The following ZBTB7C variants were observed in gnomAD, a reference collection of about 807,000 sequenced individuals.
ZBTB7C encodes the protein zinc finger and BTB domain containing 7C, also known as zinc finger and BTB domain-containing protein 7C.
Under a neutral mutation model 25.7 loss-of-function variants are expected in ZBTB7C, and 8 were observed. The observed-to-expected ratio is 0.31, with a 90% CI of 0.18 to 0.56. The LOEUF is 0.56. Among genes scored for constraint, ZBTB7C ranks in the 20% least tolerant of loss-of-function variants. The probability of loss-of-function intolerance (pLI) is 0.91; values close to 1 mark genes in which losing one functional copy is unlikely to be tolerated. For missense variants in ZBTB7C, 824 were observed against 855.2 expected, an observed-to-expected ratio of 0.96 and a Z score of 0.46; for synonymous variants, 394 against 369.0, an observed-to-expected ratio of 1.07 and a Z score of -0.78.
intron 2 of ZBTB7C, among the ~76,000 whole-genome samples, chr18:48,262,468 T>C (rs545064970): frequency 6.6e-6 from 1 of 152,294 alleles, no homozygotes; most frequent in East Asian, 1.9e-4. Flanking sequence ...AGATGAGGCC[T>C]ACCCACAAGA....
chr18:48,129,799 A>G (rs2144766671), intron 3 of ZBTB7C, among the ~76,000 whole-genome samples: 1 of 152,248 alleles, frequency 6.6e-6, no homozygotes, highest in South Asian at 2.1e-4. Context: ...CAGCTTTAAT[A>G]AACTGTGATT....
At chr18:48,213,258 G>GT (rs2042744349) in intron 2 of ZBTB7C, among the ~76,000 whole-genome samples, 1 of 152,206 alleles carries the variant, frequency 6.6e-6, no homozygotes, top group Non-Finnish European at 1.5e-5. Context: ...CCAGGGTTTT[G>GT]TTTTTGACTA....
intron 3 of ZBTB7C, among the ~76,000 whole-genome samples, chr18:48,178,548 C>T (rs2145078279): frequency 6.6e-6 from 1 of 152,276 alleles, no homozygotes; most frequent in African/African-American, 2.4e-5. Context: ...TTGTTATGAT[C>T]TCTTTAGGAG....
chr18:48,194,112 G>A (rs2042262721), intron 2 of ZBTB7C, among the ~76,000 whole-genome samples: 1 of 152,254 alleles, frequency 6.6e-6, no homozygotes, highest in Non-Finnish European at 1.5e-5. Context: ...AGTGGGGCCT[G>A]GGCCAAGGAA....
At chr18:48,392,818 G>C (rs1442365921) in intron 1 of ZBTB7C, among the ~76,000 whole-genome samples, 1 of 152,158 alleles carries the variant, frequency 6.6e-6, no homozygotes, top group African/African-American at 2.4e-5. Flanking sequence ...TTGCCTTTCT[G>C]ACCTCTTCCT....
chr18:48,355,738 G>A (rs2046963736), intron 1 of ZBTB7C, among the ~76,000 whole-genome samples: 1 of 152,212 alleles, frequency 6.6e-6, no homozygotes, highest in Non-Finnish European at 1.5e-5. Flanking sequence ...AGTCTCCCGT[G>A]CACCCCTGCA....
At chr18:48,217,528 C>T (rs545385176) in intron 2 of ZBTB7C, among the ~76,000 whole-genome samples, 1 of 152,178 alleles carries the variant, frequency 6.6e-6, no homozygotes, top group African/African-American at 2.4e-5. Context: ...CTACACACCC[C>T]TAGCCAGCCA....
chr18:48,343,228 T>A (rs963026017), intron 1 of ZBTB7C, among the ~76,000 whole-genome samples: 1 of 152,156 alleles, frequency 6.6e-6, no homozygotes, highest in Non-Finnish European at 1.5e-5. Context: ...TAGATCTAAC[T>A]GCATCATTTT....
rs1032651746 is a variant in ZBTB7C, at chr18:48,026,854, C to A, written c.*2406G>T. 2 of 151,640 alleles carry A rather than the reference C, an allele frequency of 1.3e-5. No homozygotes were observed. Among genetic ancestry groups the A allele is most frequent in the African/African-American group, 4.8e-5 (2 of 41,254 alleles). The allele number at this position is 151,640 out of a possible 1,614,324, so 9.4% of individuals were successfully genotyped here. Reference sequence around the variant, plus strand: ...TCCTGTGAACTTTCAGAAGTCACATCTCACAGAAGTGCAACTCTCAATATA... The same window carrying A: ...TCCTGTGAACTTTCAGAAGTCACATATCACAGAAGTGCAACTCTCAATATA... On this transcript the variant is annotated 3_prime_UTR_variant, in exon 5 of 5. Coordinates refer to ENST00000590800, the MANE Select transcript of ZBTB7C (RefSeq NM_001318841.2).
rs551950218 is a variant in ZBTB7C at position 48,318,292 on chromosome 18, T to C, written c.-79+19882A>G. Among the ~76,000 whole-genome samples the C allele has an allele frequency of 3.3e-5, 5 of 151,942 alleles. No individual in the cohort carries two copies. In the South Asian group the frequency reaches 8.3e-4, roughly 25 times the overall value. On this transcript the variant is annotated intron_variant, in intron 2 of 4. Coordinates refer to ENST00000590800, the MANE Select transcript of ZBTB7C (RefSeq NM_001318841.2). Reference sequence around the variant, plus strand: ...CTGTTTTCTTCCTCTCTTCCTCCCATAGGACTGGTTGGGAACCAACCCCCC... The same window carrying C: ...CTGTTTTCTTCCTCTCTTCCTCCCACAGGACTGGTTGGGAACCAACCCCCC...
At chr18:48,126,855 C>T (rs1249002148) in intron 3 of ZBTB7C, among the ~76,000 whole-genome samples, 3 of 152,086 alleles carry the variant, frequency 2.0e-5, no homozygotes, top group Non-Finnish European at 4.4e-5. Flanking sequence ...TCTACCTTTC[C>T]GCCTGGGCCC....
intron 1 of ZBTB7C, among the ~76,000 whole-genome samples, chr18:48,338,901 T>C (rs2046521858): frequency 7.5e-6 from 1 of 133,988 alleles, no homozygotes; most frequent in Non-Finnish European, 1.6e-5. Context: ...TCTGGTGTTC[T>C]GTAGTTTGTT....
At chr18:48,141,620 T>A (rs1165439751) in intron 3 of ZBTB7C, among the ~76,000 whole-genome samples, 1 of 152,194 alleles carries the variant, frequency 6.6e-6, no homozygotes, top group Non-Finnish European at 1.5e-5. Context: ...ATTTATGGTG[T>A]CACGGTGGCG....
At chr18:48,355,174 T>C (rs1263102767) in intron 1 of ZBTB7C, among the ~76,000 whole-genome samples, 3 of 152,200 alleles carry the variant, frequency 2.0e-5, no homozygotes, top group East Asian at 3.9e-4. Flanking sequence ...AACATGAGCC[T>C]CTTGGAGAGG....
intron 2 of ZBTB7C, among the ~76,000 whole-genome samples, chr18:48,332,484 C>T (rs1037498872): frequency 6.6e-6 from 1 of 152,104 alleles, no homozygotes; most frequent in African/African-American, 2.4e-5. Flanking sequence ...TCTTTTTGAG[C>T]AACTAGGTCT....
At chr18:48,109,773 T>G (rs2039166576) in intron 3 of ZBTB7C, among the ~76,000 whole-genome samples, 1 of 152,058 alleles carries the variant, frequency 6.6e-6, no homozygotes, top group South Asian at 2.1e-4. Context: ...CTACAAAAGG[T>G]ATTTATTAAA....
intron 2 of ZBTB7C, among the ~76,000 whole-genome samples, chr18:48,207,357 GAGAAT>G (rs1360066837): frequency 6.6e-6 from 1 of 152,178 alleles, no homozygotes; most frequent in Middle Eastern, 3.2e-3. Context: ...AAACCTCAAT[GAGAAT>G]ATTCACAGCA....
chr18:48,371,274 C>T (rs887440978), intron 1 of ZBTB7C, among the ~76,000 whole-genome samples: 5 of 152,150 alleles, frequency 3.3e-5, no homozygotes, highest in African/African-American at 1.2e-4. Context: ...GTGTTTCTGT[C>T]CCCAGCTGAA....
intron 2 of ZBTB7C, among the ~76,000 whole-genome samples, chr18:48,304,633 C>T (rs2045625492): frequency 6.6e-6 from 1 of 152,244 alleles, no homozygotes; most frequent in East Asian, 1.9e-4. Flanking sequence ...CAAGACCGCA[C>T]CACTGCACTC....
Sources: gnomAD v4.1 joint callset for allele counts (sites outside exome capture counted in the v4.1 genomes callset) on GRCh38, gnomAD v4.1.1 for gene constraint, MANE v1.5 for transcripts, NCBI Gene and HGNC (gene_info 2026-07-23, HGNC 2026-07-21) for gene names.